The following MAP3K4 variants were observed in gnomAD, a reference collection of about 807,000 sequenced individuals.
MAP3K4 encodes the protein mitogen-activated protein kinase kinase kinase 4, also known as MAP three kinase 1.
In MAP3K4, 67 loss-of-function variants were observed where a neutral mutation model predicts 185.6. The ratio of observed to expected loss-of-function variants is 0.36; its 90% confidence interval spans 0.30 to 0.44. The LOEUF is 0.44. Ranked by LOEUF, MAP3K4 falls within the 20% of genes least tolerant of loss-of-function variation. The pLI, the probability that MAP3K4 is intolerant of heterozygous loss-of-function variation, is 1.00. For missense variants in MAP3K4, 1,551 were observed against 1,995.1 expected, an observed-to-expected ratio of 0.78 and a Z score of 4.24; for synonymous variants, 702 against 710.4, an observed-to-expected ratio of 0.99 and a Z score of 0.19.
At chr6:161,028,139 T>A (rs1562490654) in intron 1 of MAP3K4, among the ~76,000 whole-genome samples, 1 of 152,230 alleles carries the variant, frequency 6.6e-6, no homozygotes, top group South Asian at 2.1e-4. Context: ...TATGCAGGTT[T>A]GTGACCATGA....
intron 1 of MAP3K4, among the ~76,000 whole-genome samples, chr6:160,999,268 A>G (rs1184969195): frequency 6.6e-6 from 1 of 152,258 alleles, no homozygotes; most frequent in Admixed American, 6.5e-5. Flanking sequence ...AGAGTTGTCA[A>G]ATTAATAGAA....
At chr6:161,078,264 C>A (rs1232432998) in intron 5 of MAP3K4, among the ~76,000 whole-genome samples, 1 of 152,116 alleles carries the variant, frequency 6.6e-6, no homozygotes, top group Non-Finnish European at 1.5e-5. Flanking sequence ...CCCCCCAGCT[C>A]CTTGAGTGTG....
chr6:161,043,673 G>T lies in MAP3K4; in HGVS notation c.344-4943G>T, dbSNP rs1425042451. ...CAATTTCTCAAAATGTGGAGCCATT[G>T]TAGCCATGTCAGAGATACGTGCACT... On this transcript the variant is annotated intron_variant, in intron 2 of 26. Coordinates refer to ENST00000392142, the MANE Select transcript of MAP3K4 (RefSeq NM_005922.4). This position sits in a 1 kb window ranked among gnomAD's most constrained non-coding sequence, Gnocchi z 4.3. 1.3e-5 allele frequency among the ~76,000 whole-genome samples: 2 copies of T among 152,222 alleles called. No homozygotes were observed. The highest frequency in any genetic ancestry group is 2.9e-5 in the Non-Finnish European group (2 of 68,042).
At chr6:161,102,334 TTTTA>T (rs1211016583) in intron 18 of MAP3K4, among the ~76,000 whole-genome samples, 1 of 152,238 alleles carries the variant, frequency 6.6e-6, no homozygotes, top group East Asian at 1.9e-4. Flanking sequence ...TATGTGAAAG[TTTTA>T]TTTATAATGC....
In MAP3K4 at chr6:161,103,466, C is replaced by CT. The variant is rs1777920887; in HGVS notation, c.3856+690dup. 6.6e-6 allele frequency among the ~76,000 whole-genome samples: 1 copy of CT among 152,166 alleles called. No homozygotes were observed. Among genetic ancestry groups the CT allele is most frequent in the African/African-American group, 2.4e-5 (1 of 41,436 alleles). On this transcript the variant is annotated intron_variant, in intron 19 of 26. Coordinates refer to ENST00000392142, the MANE Select transcript of MAP3K4 (RefSeq NM_005922.4). This position sits in a 1 kb window ranked among gnomAD's most constrained non-coding sequence, Gnocchi z 4.6. ...GTGGAGGGAGGAGACTGGGCTGGCC[C>CT]TTTGAAGGGATGGCAGGTCTGCAGC...
rs2114859058 is a variant in MAP3K4 at position 161,088,242 on chromosome 6, G to A, written c.2823+288G>A. 6.6e-6 allele frequency among the ~76,000 whole-genome samples: 1 copy of A among 152,272 alleles called. No individual in the cohort carries two copies. The highest frequency in any genetic ancestry group is 2.1e-4 in the South Asian group (1 of 4,828). On this transcript the variant is annotated intron_variant, in intron 10 of 26. Transcript: ENST00000392142. This position sits in a 1 kb window ranked among gnomAD's most constrained non-coding sequence, Gnocchi z 4.5. ...AGATCTGTGGAGCTATGATCTAAAA[G>A]GAGTTATGTCACTAATATAATTTGT...
chr6:160,993,735 T>TA (rs11291500), intron 1 of MAP3K4, among the ~76,000 whole-genome samples: 2,595 of 148,176 alleles, frequency 0.018, 33 homozygotes, highest in Middle Eastern at 0.089. Context: ...GCTTCAGTGG[T>TA]AAAAAAAAAA....
intron 2 of MAP3K4, among the ~76,000 whole-genome samples, chr6:161,040,798 AC>A (rs941628165): frequency 1.3e-5 from 2 of 152,258 alleles, no homozygotes; most frequent in African/African-American, 4.8e-5. Flanking sequence ...ATAAATGTCA[AC>A]AAGTTTGTTC....
In MAP3K4 at chr6:161,107,037, TAC is replaced by T. The variant is rs976084042; in HGVS notation, c.4048+337_4048+338del. 1.9e-5 allele frequency among the ~76,000 whole-genome samples: 2 copies of T among 102,994 alleles called. No individual in the cohort carries two copies. The highest frequency in any genetic ancestry group is 2.6e-4 in the East Asian group (1 of 3,820). 67.6% of individuals were successfully genotyped at this position (102,994 alleles called of 152,430 possible). The stretch of plus-strand genomic sequence containing the variant: ...TTGTTCTAGTTTCTCTCTCTCTCTC[TAC>T]ACACGCGCGCGCACACACACACACA... On this transcript the variant is annotated intron_variant, in intron 20 of 26. Coordinates refer to ENST00000392142, the MANE Select transcript of MAP3K4 (RefSeq NM_005922.4). This position sits in a 1 kb window ranked among gnomAD's most constrained non-coding sequence, Gnocchi z 6.2.
At chr6:161,038,814 T>C (rs1221327072) in intron 2 of MAP3K4, among the ~76,000 whole-genome samples, 2 of 152,128 alleles carry the variant, frequency 1.3e-5, no homozygotes, top group Non-Finnish European at 2.9e-5. Context: ...GTCTGCATAG[T>C]GTCTGCTGGA....
chr6:161,074,263 T>C lies in MAP3K4; in HGVS notation c.2097+651T>C, dbSNP rs1785072338. Among the ~76,000 whole-genome samples, 1 of 152,226 alleles carries C rather than the reference T, an allele frequency of 6.6e-6. No individual in the cohort carries two copies. The highest frequency in any genetic ancestry group is 1.5e-5 in the Non-Finnish European group (1 of 68,038). ...ATTTGAGGACTTGTAAATAGTTTGA[T>C]TGGGCAGGAGTAGACCTATTTTTAT... is the stretch of plus-strand genomic sequence containing the variant. On this transcript the variant is annotated intron_variant, in intron 5 of 26. Coordinates refer to ENST00000392142, the MANE Select transcript of MAP3K4 (RefSeq NM_005922.4). The surrounding 1 kb of genome is among the most constrained non-coding windows in gnomAD (Gnocchi z 5.0).
chr6:161,094,995 G>A (rs191307698), intron 15 of MAP3K4, among the ~76,000 whole-genome samples: 7 of 152,284 alleles, frequency 4.6e-5, no homozygotes, highest in Admixed American at 4.6e-4. Flanking sequence ...TATGGAAGAT[G>A]TTCATTTAGA....
At position 161,088,810 on chromosome 6, in the gene MAP3K4, T is replaced by C. The variant is rs112318202; in HGVS notation, c.2824-512T>C. Among the ~76,000 whole-genome samples the C allele has an allele frequency of 1.8e-3, 279 of 152,332 alleles. 2 individuals carry two copies. The highest frequency in any genetic ancestry group is 6.3e-3 in the African/African-American group (261 of 41,572). ...GTCTCTCCAATTCTGTGTTTGTTTT[T>C]GTGCTTCTAGAATGATCATTATAAT... is the stretch of plus-strand genomic sequence containing the variant. On this transcript the variant is annotated intron_variant, in intron 10 of 26. Transcript: ENST00000392142. This position sits in a 1 kb window ranked among gnomAD's most constrained non-coding sequence, Gnocchi z 4.5.
chr6:161,102,818 A>G, intron 19 of MAP3K4, 39 bp downstream of exon 19: 1 of 1,397,766 alleles, frequency 7.2e-7, no homozygotes, highest in African/African-American at 1.5e-5. Flanking sequence ...AAAAAAAAAA[A>G]AAAAAACACG....
intron 2 of MAP3K4, among the ~76,000 whole-genome samples, chr6:161,035,853 T>C (rs1783141022): frequency 6.6e-6 from 1 of 152,208 alleles, no homozygotes; most frequent in South Asian, 2.1e-4. Flanking sequence ...TCATACTATT[T>C]TAGAACATGA....
rs1388489438 is a variant in MAP3K4 at position 161,063,635 on chromosome 6, T to G, written c.1708-6973T>G. ...ACTGGGGAGTTGGATTTCACTTTTTTTCCTCGATGTGGAGCCGAGAATTCC... is the reference window on the plus strand; with the variant it reads ...ACTGGGGAGTTGGATTTCACTTTTTGTCCTCGATGTGGAGCCGAGAATTCC... On this transcript the variant is annotated intron_variant, in intron 3 of 26. Transcript: ENST00000392142. The surrounding 1 kb of genome is among the most constrained non-coding windows in gnomAD (Gnocchi z 5.4). 2.6e-5 allele frequency among the ~76,000 whole-genome samples: 4 copies of G among 152,150 alleles called. No individual in the cohort carries two copies. The highest frequency in any genetic ancestry group is 4.8e-5 in the African/African-American group (2 of 41,432).
In MAP3K4 at chr6:161,078,009, A is replaced by G. The variant is rs562606049; in HGVS notation, c.2098-2872A>G. On this transcript the variant is annotated intron_variant, in intron 5 of 26. Coordinates refer to ENST00000392142, the MANE Select transcript of MAP3K4 (RefSeq NM_005922.4). ...GTAGTTCCTCTGCTATAAAGAAGGG[A>G]GGAAGAGAGGATGTAACCCTGTAGG... 5.9e-5 allele frequency among the ~76,000 whole-genome samples: 9 copies of G among 152,276 alleles called. No homozygotes were observed. The East Asian group carries it at 1.2e-3, about 20-fold the overall frequency.
At position 161,043,062 on chromosome 6, in the gene MAP3K4, A is replaced by G. The variant is rs1783562956; in HGVS notation, c.344-5554A>G. Among the ~76,000 whole-genome samples, 1 of 152,230 alleles carries G rather than the reference A, an allele frequency of 6.6e-6. No individual in the cohort carries two copies. The highest frequency in any genetic ancestry group is 1.5e-5 in the Non-Finnish European group (1 of 68,036). On this transcript the variant is annotated intron_variant, in intron 2 of 26. Transcript: ENST00000392142. The surrounding 1 kb of genome is among the most constrained non-coding windows in gnomAD (Gnocchi z 4.3). ...TGAAATTAGAATGTTTGCTTTTTAA[A>G]GAATATCATACTGATGTAAAATGGA...
rs959899330 is a variant in MAP3K4 at position 161,043,149 on chromosome 6, C to G, written c.344-5467C>G. On this transcript the variant is annotated intron_variant, in intron 2 of 26. Coordinates refer to ENST00000392142, the MANE Select transcript of MAP3K4 (RefSeq NM_005922.4). The surrounding 1 kb of genome is among the most constrained non-coding windows in gnomAD (Gnocchi z 4.3). ...TAGCTAGTGAAATGTTTGTGTCAACCAGAGTGGATTTAAATCCATATTTCA... is the reference window on the plus strand; with the variant it reads ...TAGCTAGTGAAATGTTTGTGTCAACGAGAGTGGATTTAAATCCATATTTCA... Among the ~76,000 whole-genome samples, 22 of 152,142 alleles carry G rather than the reference C, an allele frequency of 1.4e-4. No homozygotes were observed. The highest frequency in any genetic ancestry group is 2.8e-4 in the Non-Finnish European group (19 of 68,028).
Sources: gnomAD v4.1 joint callset for allele counts (sites outside exome capture counted in the v4.1 genomes callset) on GRCh38, gnomAD v4.1.1 for gene constraint, Gnocchi (gnomAD v3.1) non-coding constraint, MANE v1.5 for transcripts, NCBI Gene and HGNC (gene_info 2026-07-23, HGNC 2026-07-21) for gene names.